RASSF8: variants seen among roughly 807,000 people sequenced by gnomAD.
RASSF8 encodes ras association domain-containing protein 8.
Under a neutral mutation model 48.5 loss-of-function variants are expected in RASSF8, and 22 were observed. The ratio of observed to expected loss-of-function variants is 0.45; its 90% CI spans 0.32 to 0.65. The LOEUF (loss-of-function observed/expected upper bound fraction) is 0.65. RASSF8 is among the 30% of genes least tolerant of loss of function. The pLI is 0.03. For missense variants in RASSF8, 418 were observed against 489.2 expected (o/e 0.85, Z 1.37); for synonymous variants, 127 against 171.5 (o/e 0.74, Z 2.03).
chr12:25,966,739 C>CAAAA, intron 1 of RASSF8, among the ~76,000 whole-genome samples: 1 of 152,214 alleles, frequency 6.6e-6, no homozygotes, highest in South Asian at 2.1e-4. Context: ...TGTGTCTCAT[C>CAAAA]GTTTTCTTAA....
chr12:25,991,689 T>C (rs1942018123), intron 1 of RASSF8, among the ~76,000 whole-genome samples: 1 of 152,152 alleles, frequency 6.6e-6, no homozygotes, highest in South Asian at 2.1e-4. Flanking sequence ...ATGTCTGGCT[T>C]ATATCAGGAC....
intron 1 of RASSF8, among the ~76,000 whole-genome samples, chr12:25,973,180 T>C (rs943399117): frequency 6.6e-6 from 1 of 151,498 alleles, no homozygotes; most frequent in Non-Finnish European, 1.5e-5. Flanking sequence ...TAAGCAAATA[T>C]TCTGTAATCA....
At chr12:26,022,664 GAATC>G (rs1942813673) in intron 2 of RASSF8, among the ~76,000 whole-genome samples, 1 of 150,594 alleles carries the variant, frequency 6.6e-6, no homozygotes, top group South Asian at 2.1e-4. Context: ...TTATAAAAAA[GAATC>G]AAATTGAAAT....
rs532061396 is a variant in RASSF8, at chr12:25,999,699, A to G, written c.-109+4569A>G. 1.1e-4 allele frequency among the ~76,000 whole-genome samples: 17 copies of G among 152,368 alleles called. No individual in the cohort carries two copies. In the South Asian group the frequency reaches 3.1e-3, roughly 28 times the overall value. On this transcript the variant is annotated intron_variant, in intron 2 of 5. Coordinates refer to ENST00000689635, the MANE Select transcript of RASSF8 (RefSeq NM_001394098.1). ...AGTACTATTGAAAAGGAGACTAAAAATTATTTGCAGATAATAAAAAGTTCC... is the reference window on the plus strand; with the variant it reads ...AGTACTATTGAAAAGGAGACTAAAAGTTATTTGCAGATAATAAAAAGTTCC...
chr12:25,980,784 C>G (rs892215887), intron 1 of RASSF8, among the ~76,000 whole-genome samples: 4 of 151,966 alleles, frequency 2.6e-5, no homozygotes, highest in Non-Finnish European at 5.9e-5. Context: ...AAAAATCACT[C>G]TAATTAAAAA....
intron 2 of RASSF8, among the ~76,000 whole-genome samples, chr12:26,048,947 G>A (rs1943432492): frequency 2.0e-5 from 3 of 151,794 alleles, no homozygotes; most frequent in South Asian, 4.2e-4. Flanking sequence ...TAGTAGAGAC[G>A]GGGTTTCACC....
intron 3 of RASSF8, 29 bp from the exon 4 acceptor site, chr12:26,064,469 G>A (rs772805050): frequency 3.4e-6 from 5 of 1,491,394 alleles, no homozygotes; most frequent in Non-Finnish European, 4.5e-6. Flanking sequence ...ATCCCATTTT[G>A]ACAAGTTATT....
At chr12:26,044,101 C>T (rs187907101) in intron 2 of RASSF8, among the ~76,000 whole-genome samples, 1 of 152,322 alleles carries the variant, frequency 6.6e-6, no homozygotes, top group African/African-American at 2.4e-5. Flanking sequence ...CAATACTATT[C>T]CCAGTCCTCT....
chr12:26,038,224 C>T (rs1432349518), intron 2 of RASSF8, among the ~76,000 whole-genome samples: 2 of 152,120 alleles, frequency 1.3e-5, no homozygotes, highest in African/African-American at 4.8e-5. Flanking sequence ...TTCATGATCA[C>T]GGTCTCAGAG....
chr12:26,049,867 T>C lies in RASSF8; in HGVS notation c.-108-5369T>C, dbSNP rs192822700. On this transcript the variant is annotated intron_variant, in intron 2 of 5. Coordinates refer to ENST00000689635, the MANE Select transcript of RASSF8 (RefSeq NM_001394098.1). ...AGTGTGATATCTGCTCACTGCAAGC[T>C]CCGCCTCCCAGGTTCACACCATTCT... is the stretch of plus-strand genomic sequence containing the variant. Among the ~76,000 whole-genome samples the C allele has an allele frequency of 6.6e-4, 101 of 152,348 alleles. 1 individual carries two copies. The highest frequency in any genetic ancestry group is 3.4e-3 in the Middle Eastern group (1 of 294).
At chr12:25,983,065 G>T (rs1165558722) in intron 1 of RASSF8, among the ~76,000 whole-genome samples, 1 of 151,984 alleles carries the variant, frequency 6.6e-6, no homozygotes, top group Admixed American at 6.6e-5. Context: ...ATGACAGTCA[G>T]GAATCACAAA....
chr12:25,978,768 A>G (rs910637087), intron 1 of RASSF8, among the ~76,000 whole-genome samples: 1 of 151,820 alleles, frequency 6.6e-6, no homozygotes, highest in Non-Finnish European at 1.5e-5. Flanking sequence ...TGAGGTGCCT[A>G]TTTCCCTGCC....
At chr12:25,994,592 T>C (rs958322405) in intron 1 of RASSF8, among the ~76,000 whole-genome samples, 3 of 152,200 alleles carry the variant, frequency 2.0e-5, no homozygotes, top group African/African-American at 7.2e-5. Flanking sequence ...TTTTTGTTTT[T>C]ATTTTTTAGG....
chr12:26,019,216 A>C (rs1382294986), intron 2 of RASSF8, among the ~76,000 whole-genome samples: 3 of 152,202 alleles, frequency 2.0e-5, no homozygotes, highest in African/African-American at 7.2e-5. Flanking sequence ...AAAGCATGTC[A>C]CATGAGGTAA....
downstream of RASSF8, among the ~76,000 whole-genome samples, chr12:26,074,080 T>C (rs1009352749): frequency 3.3e-5 from 5 of 152,114 alleles, no homozygotes; most frequent in Non-Finnish European, 5.9e-5. Context: ...AAGTCCTAGT[T>C]TGGGGGACTT....
chr12:26,071,076 C>G lies in RASSF8; in HGVS notation c.*2258C>G. 1 of 979,896 alleles carries G rather than the reference C, an allele frequency of 1.0e-6. No individual in the cohort carries two copies. The highest frequency in any genetic ancestry group is 1.2e-6 in the Non-Finnish European group (1 of 825,204). 60.7% of individuals were successfully genotyped at this position (979,896 alleles called of 1,614,324 possible). On this transcript the variant is annotated 3_prime_UTR_variant, in exon 6 of 6. Transcript: ENST00000689635. ...AGATTTAAAAAAATTTCCTAGGCGA[C>G]GAAAGTATAGAAATGTGAATATGTT...
At chr12:26,055,640 A>G (rs1022218558) in intron 3 of RASSF8, among the ~76,000 whole-genome samples, 194 bp downstream of exon 3, 2 of 151,688 alleles carry the variant, frequency 1.3e-5, no homozygotes, top group Non-Finnish European at 2.9e-5. Context: ...TGACACCCCT[A>G]GATTTTACTA....
intron 2 of RASSF8, among the ~76,000 whole-genome samples, chr12:25,998,349 C>CTTT (rs34094399): frequency 3.8e-5 from 5 of 131,062 alleles, no homozygotes; most frequent in Non-Finnish European, 8.2e-5. Flanking sequence ...GAAGACAAAG[C>CTTT]TTTTTTTTTT....
chr12:26,074,329 T>C (rs773477911), downstream of RASSF8, among the ~76,000 whole-genome samples: 18 of 152,080 alleles, frequency 1.2e-4, no homozygotes, highest in Non-Finnish European at 2.2e-4. Flanking sequence ...GAGATGCATA[T>C]ATTTGTTCTC....
Sources: allele counts gnomAD v4.1 joint callset (sites outside exome capture counted in the v4.1 genomes callset), GRCh38; gene constraint gnomAD v4.1.1; transcripts MANE v1.5; gene names NCBI Gene and HGNC (gene_info 2026-07-23, HGNC 2026-07-21).